MAPK14: variants seen among roughly 807,000 people sequenced by gnomAD.
MAPK14 encodes mitogen-activated protein kinase 14, also known as CSAID-binding protein.
A neutral mutation model predicts 49.6 loss-of-function variants in MAPK14; 16 were observed. The ratio of observed to expected loss-of-function variants is 0.32; its 90% CI spans 0.22 to 0.49. The LOEUF is 0.49. Ranked by LOEUF, MAPK14 falls within the 20% of genes least tolerant of loss-of-function variation. The probability of loss-of-function intolerance (pLI) is 0.99; values close to 1 mark genes in which losing one functional copy is unlikely to be tolerated. For missense variants in MAPK14, 200 were observed against 441.2 expected (o/e 0.45, Z 4.90); for synonymous variants, 142 against 158.0 (o/e 0.90, Z 0.76).
At chr6:36,051,491 C>T (rs776034434) in intron 1 of MAPK14, among the ~76,000 whole-genome samples, 15 of 152,174 alleles carry the variant, frequency 9.9e-5, no homozygotes, top group Admixed American at 5.9e-4. Context: ...GCATCTCTTA[C>T]GTCATCCCTT....
intron 1 of MAPK14, among the ~76,000 whole-genome samples, chr6:36,039,563 C>T (rs1407427606): frequency 6.6e-6 from 1 of 152,100 alleles, no homozygotes; most frequent in African/African-American, 2.4e-5. Context: ...AAAATGTAGA[C>T]ACCACACAAT....
At chr6:36,030,623 G>C (rs1762503614) in intron 1 of MAPK14, among the ~76,000 whole-genome samples, 1 of 146,936 alleles carries the variant, frequency 6.8e-6, no homozygotes, top group Non-Finnish European at 1.5e-5. Flanking sequence ...GGAGGCGGAG[G>C]TTGCAATGAG....
At chr6:36,093,907 TGTG>T (rs1211045737) in intron 8 of MAPK14, among the ~76,000 whole-genome samples, 1 of 152,208 alleles carries the variant, frequency 6.6e-6, no homozygotes, top group Non-Finnish European at 1.5e-5. Flanking sequence ...TACTTTATCT[TGTG>T]GTGGCTACCC....
At position 36,068,860 on chromosome 6, in the gene MAPK14, C is replaced by G. The variant is rs991390772; in HGVS notation, c.306-4013C>G. ...ACAGAGTTCTTCCTTCTTGCTGTCA[C>G]AGTACATTTTACTCACAGGAGTCAC... On this transcript the variant is annotated intron_variant, in intron 3 of 11. Coordinates refer to ENST00000229794, the MANE Select transcript of MAPK14 (RefSeq NM_139012.3). Among the ~76,000 whole-genome samples the G allele has an allele frequency of 2.0e-5, 3 of 152,262 alleles. No individual in the cohort carries two copies. In the South Asian group the frequency reaches 6.2e-4, roughly 32 times the overall value.
At chr6:36,124,138 C>CCTTCCTTCCTT in the MAPK14 span, among the ~76,000 whole-genome samples, 13 of 76,368 alleles carry the variant, frequency 1.7e-4, no homozygotes, top group Non-Finnish European at 2.5e-4. Flanking sequence ...CTCCCTCCCT[C>CCTTCCTTCCTT]CCTCCCTCCC....
At chr6:36,057,604 A>G (rs1222946939) in intron 2 of MAPK14, among the ~76,000 whole-genome samples, 3 of 152,120 alleles carry the variant, frequency 2.0e-5, no homozygotes, top group Admixed American at 2.0e-4. Context: ...CTGTTATCCC[A>G]GCTACTCGGG....
chr6:36,079,638 A>C (rs531859024), intron 8 of MAPK14, among the ~76,000 whole-genome samples: 1 of 152,268 alleles, frequency 6.6e-6, no homozygotes, highest in South Asian at 2.1e-4. Flanking sequence ...TCATTGTTTG[A>C]GTGTCCAGTT....
At chr6:36,037,459 C>A (rs1295746341) in intron 1 of MAPK14, among the ~76,000 whole-genome samples, 1 of 151,948 alleles carries the variant, frequency 6.6e-6, no homozygotes, top group Non-Finnish European at 1.5e-5. Flanking sequence ...TAAGTTTTGG[C>A]CTTGGGCAAA....
chr6:36,095,987 A>G lies in MAPK14; in HGVS notation c.683A>G (p.His228Arg). 6.3e-7 allele frequency: 1 copy of G among 1,588,660 alleles called. No individual in the cohort carries two copies. Among genetic ancestry groups the G allele is most frequent in the Non-Finnish European group, 8.6e-7 (1 of 1,158,268 alleles). Reference protein sequence around the residue: ...TGRTLFPGTDHIDQLKLILRL... With the variant: ...TGRTLFPGTDRIDQLKLILRL... The stretch of plus-strand genomic sequence containing the variant: ...ATTTTCCTTTATGGTCCACCATTAG[A>G]TATTGATCAGTTGAAGCTCATTTTA... The change falls in exon 9 of 12, where the codon CAT becomes CGT. Residue 228 changes from histidine to arginine, a missense_variant and splice_region_variant. His to Arg is a conservative substitution (Grantham distance 29, BLOSUM62 0). Around this residue, in one of 2 missense-constraint regions of MAPK14, gnomAD observed 170 missense variants for 407.0 expected, o/e 0.42. Transcript: ENST00000229794.
intron 3 of MAPK14, among the ~76,000 whole-genome samples, chr6:36,069,173 T>G (rs1581782775): frequency 6.6e-6 from 1 of 152,214 alleles, no homozygotes; most frequent in Non-Finnish European, 1.5e-5. Flanking sequence ...TAAAATGTAA[T>G]TGACTATGCT....
In MAPK14 at chr6:36,107,389, T is replaced by C. The variant is rs1765831745; in HGVS notation, c.842-66T>C. 8.5e-7 allele frequency: 1 copy of C among 1,171,834 alleles called. No individual in the cohort carries two copies. Among genetic ancestry groups the C allele is most frequent in the Non-Finnish European group, 1.2e-6 (1 of 846,986 alleles). The allele number at this position is 1,171,834 out of a possible 1,614,324, so 72.6% of individuals were successfully genotyped here. On this transcript the variant is annotated intron_variant, in intron 10 of 11. Transcript: ENST00000229794. The surrounding 1 kb of genome is among the most constrained non-coding windows in gnomAD (Gnocchi z 4.3). ...TATGAAGGGTCAAAACTATGTTTGCTCAATAAGGCATACTTTTTTGTAACA... is the reference window on the plus strand; with the variant it reads ...TATGAAGGGTCAAAACTATGTTTGCCCAATAAGGCATACTTTTTTGTAACA...
chr6:36,101,109 A>T (rs1034354479), intron 9 of MAPK14, among the ~76,000 whole-genome samples: 1 of 152,184 alleles, frequency 6.6e-6, no homozygotes. Flanking sequence ...ATTGCTTTTC[A>T]AAGCAGACCT....
chr6:36,117,379 A>G, the MAPK14 span, among the ~76,000 whole-genome samples: 5 of 152,184 alleles, frequency 3.3e-5, no homozygotes, highest in East Asian at 9.6e-4. Flanking sequence ...TTTGTGCGTG[A>G]TAGTCCCTCT....
intron 9 of MAPK14, among the ~76,000 whole-genome samples, chr6:36,101,507 C>T (rs1444250348): frequency 2.7e-5 from 4 of 150,136 alleles, no homozygotes; most frequent in African/African-American, 9.9e-5. Context: ...TTTTTTAAGA[C>T]AGGATCTTAA....
At chr6:36,066,597 G>A (rs1485333022) in intron 3 of MAPK14, among the ~76,000 whole-genome samples, 2 of 152,150 alleles carry the variant, frequency 1.3e-5, no homozygotes, top group Admixed American at 6.5e-5. Flanking sequence ...GGATGTGGAA[G>A]TTGAAATTTA....
chr6:36,084,755 G>T (rs1764910159), intron 8 of MAPK14, among the ~76,000 whole-genome samples: 1 of 152,190 alleles, frequency 6.6e-6, no homozygotes, highest in South Asian at 2.1e-4. Context: ...ACACACTTCA[G>T]GATATCAGCC....
intron 1 of MAPK14, among the ~76,000 whole-genome samples, chr6:36,051,355 C>T (rs1466639252): frequency 1.3e-5 from 2 of 152,066 alleles, no homozygotes; most frequent in Non-Finnish European, 2.9e-5. Context: ...GTGATCCTCC[C>T]GCCTCGGCCT....
intron 8 of MAPK14, chr6:36,091,907 A>G (rs16884650): frequency 0.034 from 5,371 of 159,760 alleles, 131 homozygotes; most frequent in Non-Finnish European, 0.045. Flanking sequence ...TCAAATCTAC[A>G]TTAAACTAAG....
chr6:36,048,886 T>C (rs186020915), intron 1 of MAPK14, among the ~76,000 whole-genome samples: 12 of 152,280 alleles, frequency 7.9e-5, no homozygotes, highest in African/African-American at 2.9e-4. Flanking sequence ...TTTAAAGTCA[T>C]GGGCATAGAT....
Sources: allele counts gnomAD v4.1 joint callset (sites outside exome capture counted in the v4.1 genomes callset), GRCh38; gene constraint gnomAD v4.1.1; regional missense constraint gnomAD v4.1.1; non-coding constraint Gnocchi (gnomAD v3.1); transcripts MANE v1.5; gene names NCBI Gene and HGNC (gene_info 2026-07-23, HGNC 2026-07-21).